RORA: variants seen among roughly 807,000 people sequenced by gnomAD.
The protein encoded by RORA is RAR related orphan receptor A, also known as nuclear receptor ROR-alpha.
Under a neutral mutation model 69.5 loss-of-function variants are expected in RORA, and 7 were observed. The observed-to-expected ratio is 0.10, with a 90% CI of 0.06 to 0.19. The LOEUF (loss-of-function observed/expected upper bound fraction) is 0.19. Among genes scored for constraint, RORA ranks in the 10% least tolerant of loss-of-function variants. The pLI, the probability that RORA is intolerant of heterozygous loss-of-function variation, is 1.00. For missense variants in RORA, 457 were observed against 663.0 expected, an observed-to-expected ratio of 0.69 and a Z score of 3.41; for synonymous variants, 261 against 240.8, an observed-to-expected ratio of 1.08 and a Z score of -0.78.
intron 1 of RORA, among the ~76,000 whole-genome samples, chr15:60,976,279 A>T (rs1893870811): frequency 6.6e-6 from 1 of 152,130 alleles, no homozygotes; most frequent in African/African-American, 2.4e-5. Context: ...TAACCCTTGG[A>T]TTTTCACCCA....
At chr15:60,916,576 C>T (rs1306371304) in intron 1 of RORA, among the ~76,000 whole-genome samples, 1 of 151,834 alleles carries the variant, frequency 6.6e-6, no homozygotes, top group Non-Finnish European at 1.5e-5. Context: ...TAGCTTACCA[C>T]TCATCCATCC....
At chr15:60,761,888 T>C (rs1022067003) in intron 1 of RORA, among the ~76,000 whole-genome samples, 1 of 152,122 alleles carries the variant, frequency 6.6e-6, no homozygotes, top group Admixed American at 6.5e-5. Context: ...TTCAGGCCAA[T>C]TGCAAGCTAA....
At chr15:60,609,205 A>G (rs985784352) in intron 2 of RORA, among the ~76,000 whole-genome samples, 1 of 152,134 alleles carries the variant, frequency 6.6e-6, no homozygotes, top group Non-Finnish European at 1.5e-5. Flanking sequence ...CATTTAAGGG[A>G]TTATCATTTG....
At chr15:60,694,813 T>C (rs1178266794) in intron 1 of RORA, among the ~76,000 whole-genome samples, 1 of 152,218 alleles carries the variant, frequency 6.6e-6, no homozygotes, top group African/African-American at 2.4e-5. Flanking sequence ...TCACTTTAGT[T>C]ACCTCTAATT....
At chr15:60,967,944 C>T (rs535370903) in intron 1 of RORA, among the ~76,000 whole-genome samples, 4 of 152,320 alleles carry the variant, frequency 2.6e-5, no homozygotes, top group African/African-American at 9.6e-5. Flanking sequence ...AAACTCCCAT[C>T]ACAGAACACA....
intron 1 of RORA, among the ~76,000 whole-genome samples, chr15:60,944,568 A>G (rs879363574): frequency 1.3e-5 from 2 of 151,984 alleles, no homozygotes; most frequent in Middle Eastern, 3.2e-3. Context: ...AATACAAAAA[A>G]GAAAAAAATG....
At chr15:60,516,607 G>C (rs1276396710) in intron 3 of RORA, among the ~76,000 whole-genome samples, 3 of 152,156 alleles carry the variant, frequency 2.0e-5, no homozygotes, top group Admixed American at 2.0e-4. Context: ...TAACAGAGTG[G>C]TAGGCAAACT....
intron 2 of RORA, among the ~76,000 whole-genome samples, chr15:60,600,669 A>G (rs1184918136): frequency 6.6e-6 from 1 of 152,168 alleles, no homozygotes; most frequent in Non-Finnish European, 1.5e-5. Context: ...CTTCTCTTAA[A>G]ATCTCTTCCT....
chr15:60,865,448 G>T (rs1236536208), intron 1 of RORA, among the ~76,000 whole-genome samples: 2 of 152,180 alleles, frequency 1.3e-5, no homozygotes, highest in East Asian at 3.8e-4. Flanking sequence ...TGTGGTTTTT[G>T]CTTGGAGCCA....
intron 1 of RORA, among the ~76,000 whole-genome samples, chr15:60,787,139 G>T (rs925760527): frequency 9.9e-5 from 15 of 152,210 alleles, no homozygotes; most frequent in African/African-American, 3.1e-4. Flanking sequence ...TCCATGGAAA[G>T]AGATCTAACA....
chr15:60,512,926 C>G (rs149508300), intron 4 of RORA, among the ~76,000 whole-genome samples: 1 of 152,272 alleles, frequency 6.6e-6, no homozygotes, highest in Admixed American at 6.5e-5. Flanking sequence ...CAGCTAGACT[C>G]AGTCTTTGCT....
chr15:61,122,973 G>C (rs1037397817), intron 1 of RORA, among the ~76,000 whole-genome samples: 3 of 152,146 alleles, frequency 2.0e-5, no homozygotes, highest in Admixed American at 2.0e-4. Flanking sequence ...AGATTACAAA[G>C]GTACATCACT....
intron 1 of RORA, chr15:61,211,810 T>C (rs1272911599): frequency 6.6e-6 from 1 of 152,198 alleles, no homozygotes; most frequent in Non-Finnish European, 1.5e-5. Flanking sequence ...AACATTTTTC[T>C]GGTCCCTCGA....
chr15:60,667,303 T>C (rs2070395117), intron 2 of RORA, among the ~76,000 whole-genome samples: 1 of 152,196 alleles, frequency 6.6e-6, no homozygotes, highest in Non-Finnish European at 1.5e-5. Context: ...GCCTTAAAGT[T>C]AGAAAAATAT....
chr15:60,864,797 C>G (rs531242926), intron 1 of RORA, among the ~76,000 whole-genome samples: 2 of 152,332 alleles, frequency 1.3e-5, no homozygotes, highest in East Asian at 1.9e-4. Flanking sequence ...GTGGGCATCT[C>G]AGTGCCAGGC....
chr15:61,186,826 G>A (rs2140910435), intron 1 of RORA, among the ~76,000 whole-genome samples: 2 of 152,302 alleles, frequency 1.3e-5, no homozygotes, highest in South Asian at 4.1e-4. Context: ...GAGCTCCAGT[G>A]CCCTGCTTGC....
chr15:60,608,146 T>G (rs1008658380), intron 2 of RORA, among the ~76,000 whole-genome samples: 6 of 152,320 alleles, frequency 3.9e-5, no homozygotes, highest in African/African-American at 1.4e-4. Flanking sequence ...GAGATAAATT[T>G]TCTCGGCTCC....
intron 2 of RORA, among the ~76,000 whole-genome samples, chr15:60,616,157 GCA>G (rs2069237300): frequency 6.6e-6 from 1 of 152,168 alleles, no homozygotes; most frequent in African/African-American, 2.4e-5. Context: ...ACAAACTTAG[GCA>G]CACATATGTA....
At chr15:60,503,956 C>T (rs1234283813) in intron 6 of RORA, among the ~76,000 whole-genome samples, 1 of 152,090 alleles carries the variant, frequency 6.6e-6, no homozygotes, top group Non-Finnish European at 1.5e-5. Flanking sequence ...GCACCTGCCA[C>T]CACACCCAGC....
Sources: allele counts gnomAD v4.1 joint callset (sites outside exome capture counted in the v4.1 genomes callset), GRCh38; gene constraint gnomAD v4.1.1; transcripts MANE v1.5; gene names NCBI Gene and HGNC (gene_info 2026-07-23, HGNC 2026-07-21).